RANBP2: variants seen among roughly 807,000 people sequenced by gnomAD.
The protein encoded by RANBP2 is E3 SUMO-protein ligase RanBP2.
A neutral mutation model predicts 303.6 loss-of-function variants in RANBP2; 57 were observed. That is an observed-to-expected ratio of 0.19 (90% confidence interval 0.15 to 0.23). The LOEUF (loss-of-function observed/expected upper bound fraction) is 0.23, where lower values mean the gene tolerates loss of function less well. Ranked by LOEUF, RANBP2 falls within the 10% of genes least tolerant of loss-of-function variation. RANBP2 has a pLI of 1.00. For synonymous variants in RANBP2, 1,167 were observed against 1,301.5 expected (o/e 0.90, Z 2.23); for missense variants, 3,138 against 3,780.8 (o/e 0.83, Z 4.46).
At chr2:108,813,506 A>G in the RANBP2 span, among the ~76,000 whole-genome samples, 1 of 152,108 alleles carries the variant, frequency 6.6e-6, no homozygotes, top group Non-Finnish European at 1.5e-5. Flanking sequence ...TAATGGCTTT[A>G]TTGCTTAGTA....
chr2:109,590,067 CACACACATATATATGTATATATAT>C, the RANBP2 span, among the ~76,000 whole-genome samples: 5 of 144,794 alleles, frequency 3.5e-5, no homozygotes, highest in South Asian at 1.3e-3. Flanking sequence ...TATATATATA[CACACACATATATATGTATATATAT>C]ACACACATAT....
the RANBP2 span, among the ~76,000 whole-genome samples, chr2:109,086,362 C>T: frequency 6.6e-6 from 1 of 152,194 alleles, no homozygotes; most frequent in African/African-American, 2.4e-5. Flanking sequence ...TAATATTTCT[C>T]GATTGCCATG....
chr2:109,157,555 A>G, the RANBP2 span, among the ~76,000 whole-genome samples: 1 of 152,178 alleles, frequency 6.6e-6, no homozygotes, highest in African/African-American at 2.4e-5. Flanking sequence ...TATGAGGAAA[A>G]AGATTTCCTT....
At chr2:109,074,138 G>A in the RANBP2 span, among the ~76,000 whole-genome samples, 2 of 150,706 alleles carry the variant, frequency 1.3e-5, 1 homozygote, top group African/African-American at 4.8e-5. Context: ...AGGCCGAGAC[G>A]AGCAGATCAC....
chr2:109,306,538 G>T, the RANBP2 span, among the ~76,000 whole-genome samples: 4 of 152,196 alleles, frequency 2.6e-5, no homozygotes, highest in Admixed American at 2.0e-4. Context: ...TGCCCTTGTG[G>T]ATGCTTTTTC....
chr2:109,162,477 C>T, the RANBP2 span, among the ~76,000 whole-genome samples: 3 of 152,016 alleles, frequency 2.0e-5, no homozygotes, highest in Non-Finnish European at 4.4e-5. Flanking sequence ...GGCTTGTTAC[C>T]TATGTATACA....
At chr2:109,387,053 A>G in the RANBP2 span, among the ~76,000 whole-genome samples, 2 of 152,220 alleles carry the variant, frequency 1.3e-5, no homozygotes, top group African/African-American at 4.8e-5. Context: ...AAAATCACCC[A>G]TAATCCTACC....
At chr2:109,305,052 GT>G in the RANBP2 span, among the ~76,000 whole-genome samples, 1 of 152,292 alleles carries the variant, frequency 6.6e-6, no homozygotes, top group South Asian at 2.1e-4. Context: ...GTTTGTTGCG[GT>G]TCCCCGTCTG....
chr2:108,943,605 G>A, the RANBP2 span, among the ~76,000 whole-genome samples: 45 of 152,290 alleles, frequency 3.0e-4, no homozygotes, highest in African/African-American at 1.0e-3. Flanking sequence ...GGCTTGGGAG[G>A]ACTCACTTCC....
chr2:109,719,502 G>A, the RANBP2 span, among the ~76,000 whole-genome samples: 3 of 150,984 alleles, frequency 2.0e-5, no homozygotes, highest in Admixed American at 6.6e-5. Context: ...TGGCTCCCCG[G>A]TTCAAGCAAT....
At chr2:108,945,064 T>C in the RANBP2 span, among the ~76,000 whole-genome samples, 2 of 152,166 alleles carry the variant, frequency 1.3e-5, no homozygotes, top group African/African-American at 4.8e-5. Context: ...AGTCTGGTGC[T>C]TTCTGCCCTT....
the RANBP2 span, among the ~76,000 whole-genome samples, chr2:108,832,417 G>A: frequency 2.1e-5 from 3 of 141,514 alleles, no homozygotes; most frequent in South Asian, 2.3e-4. Flanking sequence ...GTGTGATCTC[G>A]GCTCACCGCA....
the RANBP2 span, among the ~76,000 whole-genome samples, chr2:109,210,039 C>A: frequency 3.9e-5 from 6 of 152,204 alleles, no homozygotes; most frequent in Non-Finnish European, 8.8e-5. Flanking sequence ...ATTCTAGGGA[C>A]CGCAGAGTCA....
the RANBP2 span, among the ~76,000 whole-genome samples, chr2:109,111,726 C>T: frequency 1.1e-4 from 16 of 150,320 alleles, no homozygotes; most frequent in African/African-American, 3.9e-4. Context: ...TGGTGTGCTG[C>T]ACCCATTAAC....
At chr2:108,729,050 TA>T in intron 1 of RANBP2, 81 bp from the exon 2 acceptor site, 1 of 1,464,784 alleles carries the variant, frequency 6.8e-7, no homozygotes, top group South Asian at 1.2e-5. Flanking sequence ...AACATCAACT[TA>T]GGACAGATTT....
the RANBP2 span, among the ~76,000 whole-genome samples, chr2:108,837,095 G>A: frequency 1.3e-5 from 2 of 152,138 alleles, no homozygotes; most frequent in African/African-American, 2.4e-5. Flanking sequence ...AACAGAAGTG[G>A]TGAGGGTGTG....
the RANBP2 span, among the ~76,000 whole-genome samples, chr2:109,237,495 C>T: frequency 6.6e-6 from 1 of 152,212 alleles, no homozygotes; most frequent in Non-Finnish European, 1.5e-5. Flanking sequence ...TTAAAACAAG[C>T]TTGTCCAACC....
the RANBP2 span, among the ~76,000 whole-genome samples, chr2:109,106,934 C>CG: frequency 1.0e-4 from 14 of 133,770 alleles, no homozygotes; most frequent in African/African-American, 3.9e-4. Flanking sequence ...GGGCCTTCTC[C>CG]TTTTTTTTTT....
At chr2:109,364,330 TTCTGGCTCTTTA>T in the RANBP2 span, among the ~76,000 whole-genome samples, 40 of 152,374 alleles carry the variant, frequency 2.6e-4, no homozygotes, top group African/African-American at 9.4e-4. Flanking sequence ...AACATTTCTT[TTCTGGCTCTTTA>T]TCTTTGCTTA....
Sources: allele counts gnomAD v4.1 joint callset (sites outside exome capture counted in the v4.1 genomes callset), GRCh38; gene constraint gnomAD v4.1.1; transcripts MANE v1.5; gene names NCBI Gene and HGNC (gene_info 2026-07-23, HGNC 2026-07-21).